The following PRELID2 variants were observed in gnomAD, a reference collection of about 807,000 sequenced individuals.
PRELID2 encodes PRELI domain containing 2.
A neutral mutation model predicts 28.4 loss-of-function variants in PRELID2; 25 were observed. That is an observed-to-expected ratio of 0.88 (90% CI 0.64 to 1.23). PRELID2 has a LOEUF of 1.23. Ranked by LOEUF, PRELID2 falls within the 50% of genes most tolerant of loss-of-function variation. The pLI is 0.00. For missense variants in PRELID2, 201 were observed against 214.4 expected (o/e 0.94, Z 0.39); for synonymous variants, 76 against 71.6 (o/e 1.06, Z -0.31).
At chr5:145,390,259 A>G in the PRELID2 span, among the ~76,000 whole-genome samples, 2 of 152,224 alleles carry the variant, frequency 1.3e-5, no homozygotes, top group African/African-American at 4.8e-5. Flanking sequence ...AACAAAATTT[A>G]CATAGGCCTA....
intron 5 of PRELID2, among the ~76,000 whole-genome samples, chr5:145,775,329 G>A (rs1173373834): frequency 6.6e-6 from 1 of 152,092 alleles, no homozygotes; most frequent in Admixed American, 6.6e-5. Context: ...TCGAAAAGAT[G>A]TGTTTATAGG....
chr5:145,271,598 A>G, the PRELID2 span, among the ~76,000 whole-genome samples: 2 of 152,272 alleles, frequency 1.3e-5, no homozygotes, highest in African/African-American at 4.8e-5. Context: ...AGTTACTGTC[A>G]TTCCTAAATG....
chr5:145,745,390 C>G (rs1253035132), intron 1 of PRELID2, among the ~76,000 whole-genome samples: 2 of 152,060 alleles, frequency 1.3e-5, no homozygotes. Context: ...AGCAGATCAA[C>G]CTCAAGACAC....
intron 1 of PRELID2, among the ~76,000 whole-genome samples, chr5:145,570,323 G>A (rs1753005349): frequency 6.6e-6 from 1 of 152,022 alleles, no homozygotes; most frequent in African/African-American, 2.4e-5. Flanking sequence ...TTTCCACTAT[G>A]ACGTGAATAC....
chr5:145,356,988 C>A, the PRELID2 span, among the ~76,000 whole-genome samples: 1 of 152,118 alleles, frequency 6.6e-6, no homozygotes, highest in African/African-American at 2.4e-5. Flanking sequence ...ATTTCTCATT[C>A]ACTTATGAAG....
intron 1 of PRELID2, among the ~76,000 whole-genome samples, chr5:145,574,060 TTCTCATGGATTA>T (rs534317420): frequency 4.7e-4 from 71 of 152,262 alleles, no homozygotes; most frequent in Non-Finnish European, 7.5e-4. Context: ...AATACGAAGA[TTCTCATGGATTA>T]TCTGAGTGGA....
chr5:145,244,927 T>A, the PRELID2 span, among the ~76,000 whole-genome samples: 1 of 151,928 alleles, frequency 6.6e-6, no homozygotes, highest in African/African-American at 2.4e-5. Flanking sequence ...GAAAACAGAG[T>A]TGTTATTTTT....
At chr5:145,767,141 T>A (rs1292413493) in intron 5 of PRELID2, among the ~76,000 whole-genome samples, 1 of 68,096 alleles carries the variant, frequency 1.5e-5, no homozygotes, top group Non-Finnish European at 2.8e-5. Flanking sequence ...CCCCCCACCC[T>A]GTACCCATAA....
intron 1 of PRELID2, among the ~76,000 whole-genome samples, chr5:145,688,829 T>C (rs1277614057): frequency 2.0e-5 from 3 of 152,188 alleles, no homozygotes; most frequent in East Asian, 1.9e-4. Context: ...GGGAAGCCAA[T>C]ATTAATTTTC....
the PRELID2 span, among the ~76,000 whole-genome samples, chr5:145,355,104 A>G: frequency 3.9e-5 from 6 of 152,270 alleles, no homozygotes; most frequent in African/African-American, 1.4e-4. Flanking sequence ...AAGATAAACT[A>G]CTTAGTTGCA....
chr5:145,474,754 T>G (rs1460908795), intron 1 of PRELID2, among the ~76,000 whole-genome samples: 4 of 152,144 alleles, frequency 2.6e-5, no homozygotes, highest in Non-Finnish European at 5.9e-5. Flanking sequence ...AGTTGGGATG[T>G]GCATGCTACA....
chr5:145,795,077 A>T (rs1392615912), intron 5 of PRELID2: 4 of 152,130 alleles, frequency 2.6e-5, no homozygotes, highest in East Asian at 1.9e-4. Flanking sequence ...GCTGTATTAT[A>T]AAAAAATTCA....
intron 1 of PRELID2, among the ~76,000 whole-genome samples, chr5:145,666,635 T>C (rs568325565): frequency 2.6e-5 from 4 of 152,144 alleles, no homozygotes; most frequent in African/African-American, 9.6e-5. Context: ...CACTTTTCCT[T>C]AGCTTTTTGG....
intron 1 of PRELID2, among the ~76,000 whole-genome samples, chr5:145,599,945 AG>A (rs1462395601): frequency 6.6e-6 from 1 of 152,158 alleles, no homozygotes; most frequent in African/African-American, 2.4e-5. Flanking sequence ...ACATCTTCCA[AG>A]GTATTTCTAA....
At chr5:145,481,379 T>C (rs374669024) in intron 1 of PRELID2, among the ~76,000 whole-genome samples, 2 of 151,900 alleles carry the variant, frequency 1.3e-5, no homozygotes, top group Non-Finnish European at 1.5e-5. Flanking sequence ...CTGACCCTAG[T>C]TGTCCTCAGA....
At chr5:145,349,486 A>G in the PRELID2 span, among the ~76,000 whole-genome samples, 1 of 151,990 alleles carries the variant, frequency 6.6e-6, no homozygotes, top group Non-Finnish European at 1.5e-5. Context: ...TTATTATTAT[A>G]TGACTTCATT....
intron 1 of PRELID2, among the ~76,000 whole-genome samples, chr5:145,749,080 C>CA (rs1434539796): frequency 1.3e-5 from 2 of 152,084 alleles, no homozygotes; most frequent in Admixed American, 6.6e-5. Context: ...GACTTCATGA[C>CA]AAAAACAGCA....
the PRELID2 span, among the ~76,000 whole-genome samples, chr5:145,386,334 T>A: frequency 6.6e-6 from 1 of 152,098 alleles, no homozygotes. Context: ...AGGTGGATTA[T>A]GAGAACCACA....
the PRELID2 span, among the ~76,000 whole-genome samples, chr5:145,257,923 T>A: frequency 6.6e-6 from 1 of 152,102 alleles, no homozygotes; most frequent in Non-Finnish European, 1.5e-5. Context: ...CATGCATGGT[T>A]TAGCATCATT....
Sources: allele counts gnomAD v4.1 joint callset (sites outside exome capture counted in the v4.1 genomes callset), GRCh38; gene constraint gnomAD v4.1.1; transcripts MANE v1.5; gene names NCBI Gene and HGNC (gene_info 2026-07-23, HGNC 2026-07-21).